Variants in GSG1L2 observed in about 807,000 individuals in gnomAD.
The protein encoded by GSG1L2 is germ cell-specific gene 1-like protein 2.
Under a neutral mutation model 9.0 loss-of-function variants are expected in GSG1L2, and 15 were observed. The ratio of observed to expected loss-of-function variants is 1.67; its 90% CI spans 1.12 to 2.57. The LOEUF (loss-of-function observed/expected upper bound fraction) is 2.57, where lower values mean the gene tolerates loss of function less well. GSG1L2 is among the 30% of genes most tolerant of loss of function. GSG1L2 has a pLI of 0.00. For synonymous variants in GSG1L2, 127 were observed against 57.9 expected, an observed-to-expected ratio of 2.19 and a Z score of -5.41; for missense variants, 286 against 150.3, an observed-to-expected ratio of 1.90 and a Z score of -4.72.
chr17:9,810,474 A>G (rs1218228907), intron 2 of GSG1L2, 97 bp downstream of exon 2: 1 of 671,848 alleles, frequency 1.5e-6, no homozygotes, highest in Admixed American at 2.2e-5. Flanking sequence ...AAAATCATCA[A>G]TGACTCCCTC....
At chr17:9,810,817 CTT>C (rs2066536311) in intron 1 of GSG1L2, 199 bp from the exon 2 acceptor site, 2 of 575,714 alleles carry the variant, frequency 3.5e-6, no homozygotes, top group East Asian at 2.9e-5. Flanking sequence ...ACGTAACACT[CTT>C]TGACCAATGA....
At chr17:9,807,423 CAT>C (rs958919804) in intron 4 of GSG1L2, 65 bp downstream of exon 4, 24 of 697,866 alleles carry the variant, frequency 3.4e-5, no homozygotes, top group Admixed American at 2.6e-4. Context: ...TCCTACAAAA[CAT>C]GTGTATGTTT....
intron 1 of GSG1L2, among the ~76,000 whole-genome samples, chr17:9,812,777 C>T (rs1341936317): frequency 6.6e-6 from 1 of 152,084 alleles, no homozygotes; most frequent in Admixed American, 6.5e-5. Context: ...CACGCCACCA[C>T]ACCTGGCTAA....
At chr17:9,817,817 A>G (rs978914101) in intron 1 of GSG1L2, among the ~76,000 whole-genome samples, 1 of 152,068 alleles carries the variant, frequency 6.6e-6, no homozygotes, top group Non-Finnish European at 1.5e-5. Context: ...AAGCTGTCTC[A>G]GGTGACATGG....
intron 1 of GSG1L2, among the ~76,000 whole-genome samples, chr17:9,816,902 GTGTGTATC>G (rs1161746924): frequency 1.1e-4 from 10 of 87,734 alleles, no homozygotes; most frequent in African/African-American, 1.1e-4. Context: ...GTATCTGTGT[GTGTGTATC>G]TGTGTGTGTG....
At chr17:9,809,208 T>TG (rs948193107) in intron 2 of GSG1L2, 1 of 454,512 alleles carries the variant, frequency 2.2e-6, no homozygotes, top group Non-Finnish European at 4.0e-6. Flanking sequence ...GGCGGTGGGG[T>TG]GGGGGCGGGG....
chr17:9,819,026 C>T (rs940879150), intron 1 of GSG1L2, among the ~76,000 whole-genome samples: 2 of 152,184 alleles, frequency 1.3e-5, no homozygotes, highest in Admixed American at 1.3e-4. Flanking sequence ...TGCTGACTCC[C>T]TTCTTTCCAG....
chr17:9,816,690 T>C (rs565737953), intron 1 of GSG1L2, among the ~76,000 whole-genome samples: 7 of 150,804 alleles, frequency 4.6e-5, no homozygotes, highest in African/African-American at 1.2e-4. Context: ...TGTGTGTCTG[T>C]GTATGTGTGC....
chr17:9,807,635 G>A (rs774336681), intron 3 of GSG1L2, 34 bp from the exon 4 acceptor site: 3 of 703,118 alleles, frequency 4.3e-6, no homozygotes, highest in Non-Finnish European at 5.2e-6. Context: ...TCACAGCTAA[G>A]AAGACACATG....
At chr17:9,818,481 A>G (rs2066576277) in intron 1 of GSG1L2, among the ~76,000 whole-genome samples, 1 of 144,464 alleles carries the variant, frequency 6.9e-6, no homozygotes, top group African/African-American at 2.5e-5. Context: ...TTACAGGTGC[A>G]CACCACCACA....
chr17:9,811,006 A>G, intron 1 of GSG1L2: 1 of 209,994 alleles, frequency 4.8e-6, no homozygotes, highest in South Asian at 1.2e-4. Context: ...AAAAGTCTAT[A>G]CAGAATGAGC....
intron 3 of GSG1L2, 50 bp downstream of exon 3, chr17:9,808,780 T>G (rs1340049243): frequency 1.7e-5 from 12 of 698,430 alleles, no homozygotes; most frequent in Non-Finnish European, 2.6e-5. Context: ...AGTCTGACAC[T>G]CTGCTTTCCC....
chr17:9,812,465 C>T (rs970982923), intron 1 of GSG1L2, among the ~76,000 whole-genome samples: 2 of 152,214 alleles, frequency 1.3e-5, no homozygotes, highest in South Asian at 2.1e-4. Flanking sequence ...CCTTCCACCT[C>T]CCCAGGGTCC....
intron 1 of GSG1L2, among the ~76,000 whole-genome samples, chr17:9,818,067 C>T (rs920626209): frequency 1.3e-5 from 2 of 152,180 alleles, no homozygotes; most frequent in Admixed American, 6.5e-5. Flanking sequence ...AATAACCTCT[C>T]CTTCTGTGTA....
chr17:9,805,228 T>C (rs1019636791), intron 4 of GSG1L2, among the ~76,000 whole-genome samples: 1 of 152,018 alleles, frequency 6.6e-6, no homozygotes, highest in Non-Finnish European at 1.5e-5. Context: ...AAAATCACCA[T>C]AATTCCAGGA....
At chr17:9,814,491 C>T (rs2066551856) in intron 1 of GSG1L2, among the ~76,000 whole-genome samples, 1 of 152,068 alleles carries the variant, frequency 6.6e-6, no homozygotes, top group African/African-American at 2.4e-5. Context: ...AGCACAGAGC[C>T]AGGGCTGGGC....
At chr17:9,808,765 T>C in intron 3 of GSG1L2, 65 bp downstream of exon 3, 3 of 687,308 alleles carry the variant, frequency 4.4e-6, no homozygotes. Context: ...GTAATGAGCA[T>C]GTCCAGTCTG....
intron 1 of GSG1L2, among the ~76,000 whole-genome samples, chr17:9,814,822 C>G (rs1260174369): frequency 1.3e-5 from 2 of 152,192 alleles, no homozygotes; most frequent in Non-Finnish European, 2.9e-5. Flanking sequence ...CGCCGGCCCC[C>G]ACTCCGCCCC....
intron 4 of GSG1L2, chr17:9,805,514 C>T (rs1189675892): frequency 6.6e-6 from 1 of 152,154 alleles, no homozygotes; most frequent in Non-Finnish European, 1.5e-5. Flanking sequence ...TGCACTGTGC[C>T]AAACAATCGA....
Sources: gnomAD v4.1 joint callset for allele counts (sites outside exome capture counted in the v4.1 genomes callset) on GRCh38, gnomAD v4.1.1 for gene constraint, MANE v1.5 for transcripts, NCBI Gene and HGNC (gene_info 2026-07-23, HGNC 2026-07-21) for gene names.